Variants in EIPR1 observed in about 807,000 individuals in gnomAD.
EIPR1 encodes the protein EARP and GARP complex-interacting protein 1.
In EIPR1, 25 loss-of-function variants were observed where a neutral mutation model predicts 48.1. The observed-to-expected ratio is 0.52, with a 90% CI of 0.38 to 0.73. The LOEUF (loss-of-function observed/expected upper bound fraction) is 0.73. Ranked by LOEUF, EIPR1 falls within the 30% of genes least tolerant of loss-of-function variation. The probability of loss-of-function intolerance (pLI) is 0.00; values close to 1 mark genes in which losing one functional copy is unlikely to be tolerated. For missense variants in EIPR1, 415 were observed against 506.2 expected (o/e 0.82, Z 1.73); for synonymous variants, 204 against 201.9 (o/e 1.01, Z -0.09).
At chr2:3,235,461 CA>C (rs1172902098) in intron 4 of EIPR1, among the ~76,000 whole-genome samples, 4 of 67,876 alleles carry the variant, frequency 5.9e-5, no homozygotes, top group Non-Finnish European at 1.0e-4. Context: ...CACACACACA[CA>C]CCCCCCAATA....
chr2:3,376,133 C>A (rs1017087726), intron 1 of EIPR1, among the ~76,000 whole-genome samples: 1 of 152,030 alleles, frequency 6.6e-6, no homozygotes. Flanking sequence ...AAGGAATTTT[C>A]TCTCATTATA....
rs111571970 is a variant in EIPR1 at position 3,324,786 on chromosome 2, C to T, written c.259+13231G>A. Among the ~76,000 whole-genome samples the T allele has an allele frequency of 7.2e-3, 1,103 of 152,318 alleles. 13 individuals are homozygous for T. Among genetic ancestry groups the T allele is most frequent in the African/African-American group, 0.026 (1,062 of 41,576 alleles). On this transcript the variant is annotated intron_variant, in intron 3 of 8. Coordinates refer to ENST00000382125, the MANE Select transcript of EIPR1 (RefSeq NM_003310.5). The stretch of plus-strand genomic sequence containing the variant: ...CCGGTCACGCCGGGGGGAGTGCAGG[C>T]GGCCTGCGCGCTCAGACTTCCGAAG...
In EIPR1 at chr2:3,192,401, T is replaced by C; in HGVS notation, c.989+13A>G. 1.2e-6 allele frequency: 2 copies of C among 1,602,146 alleles called. No individual in the cohort carries two copies. Among genetic ancestry groups the C allele is most frequent in the East Asian group, 4.5e-5 (2 of 44,490 alleles). ...TGGTACAGCGTGAGCCACTCTGCAGTGCGTGCCCTTACTTCTCTTCAGAAC... is the reference window on the plus strand; with the variant it reads ...TGGTACAGCGTGAGCCACTCTGCAGCGCGTGCCCTTACTTCTCTTCAGAAC... On this transcript the variant is annotated intron_variant, in intron 8 of 8. Coordinates refer to ENST00000382125, the MANE Select transcript of EIPR1 (RefSeq NM_003310.5).
chr2:3,236,120 C>T (rs925126666), intron 4 of EIPR1, among the ~76,000 whole-genome samples: 19 of 152,118 alleles, frequency 1.2e-4, no homozygotes, highest in African/African-American at 4.1e-4. Flanking sequence ...AGTCACAGCC[C>T]GCAGCACAGA....
chr2:3,250,251 C>A (rs969369950), intron 4 of EIPR1, among the ~76,000 whole-genome samples: 4 of 152,202 alleles, frequency 2.6e-5, no homozygotes, highest in African/African-American at 9.7e-5. Context: ...TTTGGGAGCC[C>A]AATCCTCACA....
chr2:3,288,658 T>C (rs528326555), intron 3 of EIPR1, among the ~76,000 whole-genome samples: 1 of 152,334 alleles, frequency 6.6e-6, no homozygotes, highest in African/African-American at 2.4e-5. Context: ...TGGCAGCTGC[T>C]GGACTTTGCC....
chr2:3,354,726 A>G, intron 1 of EIPR1, 93 bp from the exon 2 acceptor site: 1 of 1,216,640 alleles, frequency 8.2e-7, no homozygotes, highest in African/African-American at 1.5e-5. Context: ...TATCTCATCT[A>G]CTGTTGATAA....
chr2:3,288,034 C>T (rs1023744562), intron 3 of EIPR1, among the ~76,000 whole-genome samples: 5 of 152,248 alleles, frequency 3.3e-5, no homozygotes, highest in Admixed American at 1.3e-4. Context: ...CTCTCCTCCC[C>T]GTGGCCCGAG....
chr2:3,361,940 C>A (rs1452317402), intron 1 of EIPR1, among the ~76,000 whole-genome samples: 3 of 152,254 alleles, frequency 2.0e-5, no homozygotes, highest in Non-Finnish European at 2.9e-5. Context: ...CCTTCACCTA[C>A]ATTTTTGCTT....
chr2:3,205,766 T>C (rs541762302), intron 5 of EIPR1, among the ~76,000 whole-genome samples: 136 of 152,302 alleles, frequency 8.9e-4, no homozygotes, highest in African/African-American at 2.9e-3. Context: ...TAAGCCATCA[T>C]TGGCAGGTTA....
chr2:3,325,928 A>G (rs1669683615), intron 3 of EIPR1, among the ~76,000 whole-genome samples: 1 of 152,186 alleles, frequency 6.6e-6, no homozygotes, highest in African/African-American at 2.4e-5. Flanking sequence ...AGCTCCCATC[A>G]TGGAAGGGAA....
chr2:3,294,021 T>C (rs1002778986), intron 3 of EIPR1, among the ~76,000 whole-genome samples: 1 of 152,120 alleles, frequency 6.6e-6, no homozygotes, highest in African/African-American at 2.4e-5. Context: ...ATATCCAAAG[T>C]GCAAATAATG....
chr2:3,211,088 C>T (rs150815928), intron 5 of EIPR1, among the ~76,000 whole-genome samples: 206 of 152,202 alleles, frequency 1.4e-3, no homozygotes, highest in Non-Finnish European at 2.5e-3. Context: ...TTACCTACGT[C>T]GCAAACCTGC....
chr2:3,261,068 CTT>C (rs960925138), intron 3 of EIPR1, among the ~76,000 whole-genome samples: 1 of 152,170 alleles, frequency 6.6e-6, no homozygotes, highest in Non-Finnish European at 1.5e-5. Context: ...AGCTTTCTGA[CTT>C]GGGCAGTTAA....
intron 4 of EIPR1, among the ~76,000 whole-genome samples, chr2:3,240,154 AG>A (rs1257173853): frequency 6.6e-6 from 1 of 151,564 alleles, no homozygotes; most frequent in Non-Finnish European, 1.5e-5. Context: ...CAAAGCCAGC[AG>A]ATCCTTCCTA....
intron 4 of EIPR1, among the ~76,000 whole-genome samples, chr2:3,239,636 C>T (rs978418573): frequency 6.6e-6 from 1 of 151,944 alleles, no homozygotes; most frequent in Non-Finnish European, 1.5e-5. Flanking sequence ...TCATTAACCC[C>T]CTTTCCACAT....
intron 5 of EIPR1, among the ~76,000 whole-genome samples, chr2:3,199,307 T>C (rs547212204): frequency 1.3e-5 from 2 of 152,160 alleles, no homozygotes; most frequent in African/African-American, 4.8e-5. Context: ...TTACGAACAA[T>C]GTGTGCAGTT....
intron 1 of EIPR1, among the ~76,000 whole-genome samples, chr2:3,370,350 C>T (rs1446857110): frequency 5.9e-5 from 9 of 152,328 alleles, no homozygotes; most frequent in African/African-American, 1.4e-4. Flanking sequence ...TCCAAAGGAA[C>T]GCAGTCCCTC....
intron 1 of EIPR1, among the ~76,000 whole-genome samples, chr2:3,369,776 C>G (rs1163929031): frequency 6.6e-6 from 1 of 152,216 alleles, no homozygotes; most frequent in Non-Finnish European, 1.5e-5. Flanking sequence ...AGGAGGCCTG[C>G]CTGCCTCTGT....
Sources: allele counts gnomAD v4.1 joint callset (sites outside exome capture counted in the v4.1 genomes callset), GRCh38; gene constraint gnomAD v4.1.1; transcripts MANE v1.5; gene names NCBI Gene and HGNC (gene_info 2026-07-23, HGNC 2026-07-21).